LINGO3: variants seen among roughly 807,000 people sequenced by gnomAD.
LINGO3 encodes leucine rich repeat and Ig domain containing 3, also known as leucine-rich repeat and immunoglobulin-like domain-containing nogo receptor-interacting protein 3.
For synonymous variants in LINGO3, 427 were observed against 444.2 expected (o/e 0.96, Z 0.49); for missense variants, 750 against 867.7 (o/e 0.86, Z 1.70).
chr19:2,290,235 C>A lies in LINGO3; in HGVS notation c.1542G>T (p.Thr514=). The A allele has an allele frequency of 1.9e-6, 3 of 1,604,922 alleles. No homozygotes were observed. Among genetic ancestry groups the A allele is most frequent in the Non-Finnish European group, 2.5e-6 (3 of 1,177,632 alleles). Residue 514 remains threonine (T), a synonymous_variant, in exon 1 of 1, where the codon ACG becomes ACT. Transcript: ENST00000585527. The surrounding 1 kb of genome is among the most constrained non-coding windows in gnomAD (Gnocchi z 6.0). ...CGAGCGGCGCGCGCAGGGCCGCCAG[C>A]GTCTCGTTGTGGGCCTCGCCCGGGG...
chr19:2,292,646 C>G (rs985309194), upstream of LINGO3, among the ~76,000 whole-genome samples: 1 of 151,560 alleles, frequency 6.6e-6, no homozygotes, highest in Non-Finnish European at 1.5e-5. Flanking sequence ...CCCGCCACCA[C>G]GTCCGGCTAA....
At chr19:2,295,048 G>A (rs1223809504), upstream of LINGO3, among the ~76,000 whole-genome samples, 3 of 152,138 alleles carry the variant, frequency 2.0e-5, no homozygotes, top group South Asian at 2.1e-4. Context: ...GGCAGCTCCC[G>A]CCTCCCCAGT....
At chr19:2,289,967 A>T in exon 1 of LINGO3, 1 of 1,403,410 alleles carries the variant, frequency 7.1e-7, no homozygotes, top group Non-Finnish European at 9.5e-7. Context: ...CCCGCGGGGG[A>T]GGGGAGGGGA....
upstream of LINGO3, among the ~76,000 whole-genome samples, chr19:2,295,299 G>A (rs2025563329): frequency 6.6e-6 from 1 of 152,252 alleles, no homozygotes; most frequent in East Asian, 1.9e-4. Context: ...AGACTGGAGT[G>A]ATTCATCCAC....
upstream of LINGO3, among the ~76,000 whole-genome samples, chr19:2,296,828 C>T (rs554193673): frequency 1.3e-5 from 2 of 151,368 alleles, no homozygotes; most frequent in East Asian, 2.0e-4. Flanking sequence ...GTGGCTCACA[C>T]CTGTAATCCC....
chr19:2,291,878 C>T, exon 1 of LINGO3: 1 of 1,041,956 alleles, frequency 9.6e-7, no homozygotes, highest in Non-Finnish European at 1.4e-6. Flanking sequence ...CTCCGCGGCG[C>T]CTCTGCCGCC....
the LINGO3 span, among the ~76,000 whole-genome samples, chr19:2,302,600 G>A: frequency 6.6e-6 from 1 of 152,102 alleles, no homozygotes; most frequent in Non-Finnish European, 1.5e-5. Flanking sequence ...CGGACTGCCC[G>A]TCTGCCCCTG....
chr19:2,290,279 C>T lies in LINGO3; in HGVS notation c.1498G>A (p.Glu500Lys), dbSNP rs1319605651. 6.3e-7 allele frequency: 1 copy of T among 1,589,018 alleles called. No homozygotes were observed. Among genetic ancestry groups the T allele is most frequent in the South Asian group, 1.1e-5 (1 of 89,530 alleles). ...CCCGGGGTCCGGTTGGCGGCCGGCT[C>T]GGGGCGCACGGTCAGCGTGGCGAAG... The change falls in exon 1 of 1, where the codon GAG becomes AAG. Residue 500 changes from glutamate (E) to lysine (K), a missense_variant. By Grantham distance (56) the Glu-to-Lys change is moderately conservative (BLOSUM62 1). Transcript: ENST00000585527. The surrounding 1 kb of genome is among the most constrained non-coding windows in gnomAD (Gnocchi z 6.0).
chr19:2,295,487 C>G (rs1295274540), upstream of LINGO3, among the ~76,000 whole-genome samples: 1 of 152,188 alleles, frequency 6.6e-6, no homozygotes, highest in Non-Finnish European at 1.5e-5. Flanking sequence ...GTCATCCCAG[C>G]ACTTCGGGAG....
the LINGO3 span, among the ~76,000 whole-genome samples, chr19:2,303,772 G>A: frequency 2.0e-5 from 3 of 152,198 alleles, no homozygotes; most frequent in Admixed American, 6.5e-5. Context: ...CTCTCCACCC[G>A]GTTACCCACA....
At chr19:2,302,344 G>C in the LINGO3 span, among the ~76,000 whole-genome samples, 3 of 152,146 alleles carry the variant, frequency 2.0e-5, no homozygotes, top group African/African-American at 7.2e-5. Context: ...GACAGGCCCT[G>C]AGCCACAATG....
chr19:2,305,557 C>T, the LINGO3 span, among the ~76,000 whole-genome samples: 1 of 152,178 alleles, frequency 6.6e-6, no homozygotes, highest in South Asian at 2.1e-4. Context: ...CTCTTCCCCT[C>T]CCTCTTGCAA....
chr19:2,296,353 G>A (rs1056789905), upstream of LINGO3, among the ~76,000 whole-genome samples: 7 of 152,098 alleles, frequency 4.6e-5, no homozygotes, highest in East Asian at 9.7e-4. Context: ...GGTGGTTCAC[G>A]CCTGTCATCC....
chr19:2,294,373 C>G (rs2145090697), upstream of LINGO3, among the ~76,000 whole-genome samples: 1 of 152,188 alleles, frequency 6.6e-6, no homozygotes, highest in African/African-American at 2.4e-5. The surrounding 1 kb of genome is among the most constrained non-coding windows in gnomAD (Gnocchi z 4.3). Context: ...GGGCCCCCGG[C>G]CCTGCGGACA....
upstream of LINGO3, among the ~76,000 whole-genome samples, chr19:2,295,929 C>T (rs2025567700): frequency 6.6e-6 from 1 of 151,666 alleles, no homozygotes; most frequent in Non-Finnish European, 1.5e-5. Flanking sequence ...CCCTGGTTCC[C>T]AGGAGGCCTT....
chr19:2,291,847 G>GAGTTAGCAC, exon 1 of LINGO3: 3 of 1,347,760 alleles, frequency 2.2e-6, no homozygotes, highest in Non-Finnish European at 3.0e-6. Flanking sequence ...GGAGCGGGCA[G>GAGTTAGCAC]CGTTAGCACC....
chr19:2,297,200 C>CA, the LINGO3 span, among the ~76,000 whole-genome samples: 3 of 152,072 alleles, frequency 2.0e-5, no homozygotes, highest in African/African-American at 7.2e-5. Flanking sequence ...CCCTCACCCC[C>CA]ACCCTAGACT....
At chr19:2,289,906 G>T in exon 1 of LINGO3, 1 of 1,101,960 alleles carries the variant, frequency 9.1e-7, no homozygotes, top group Non-Finnish European at 1.3e-6. Flanking sequence ...GCGCCGTGCA[G>T]CCGTCCCCTT....
At chr19:2,292,779 C>T (rs1332182586), upstream of LINGO3, among the ~76,000 whole-genome samples, 5 of 152,038 alleles carry the variant, frequency 3.3e-5, no homozygotes, top group African/African-American at 7.2e-5. Flanking sequence ...TGTGAGCCAC[C>T]GCGCCCACCC....
Sources: gnomAD v4.1 joint callset for allele counts (sites outside exome capture counted in the v4.1 genomes callset) on GRCh38, gnomAD v4.1.1 for gene constraint, Gnocchi (gnomAD v3.1) non-coding constraint, MANE v1.5 for transcripts, NCBI Gene and HGNC (gene_info 2026-07-23, HGNC 2026-07-21) for gene names.